EDIL3: variants seen among roughly 807,000 people sequenced by gnomAD.
EDIL3 encodes the protein EGF-like repeat and discoidin I-like domain-containing protein 3.
A neutral mutation model predicts 67.4 loss-of-function variants in EDIL3; 37 were observed. The ratio of observed to expected loss-of-function variants is 0.55; its 90% CI spans 0.42 to 0.72. The LOEUF (loss-of-function observed/expected upper bound fraction) is 0.72. EDIL3 is among the 30% of genes least tolerant of loss of function. The probability of loss-of-function intolerance (pLI) is 0.00; values close to 1 mark genes in which losing one functional copy is unlikely to be tolerated. For missense variants in EDIL3, 527 were observed against 586.3 expected, an observed-to-expected ratio of 0.90 and a Z score of 1.04; for synonymous variants, 195 against 196.3, an observed-to-expected ratio of 0.99 and a Z score of 0.05.
chr5:83,943,332 T>G lies in EDIL3; in HGVS notation c.*87A>C, dbSNP rs1744258127. ...TTTCATGAAAAAAAAAAAAAAACCA[T>G]TCAGTTTCCTACAGATTTTGCACAG... is the stretch of plus-strand genomic sequence containing the variant. On this transcript the variant is annotated 3_prime_UTR_variant, in exon 11 of 11. Transcript: ENST00000296591. 3 of 1,465,810 alleles carry G rather than the reference T, an allele frequency of 2.0e-6. No homozygotes were observed. The highest frequency in any genetic ancestry group is 2.1e-5 in the Admixed American group (1 of 48,286). 90.8% of individuals were successfully genotyped at this position (1,465,810 alleles called of 1,614,324 possible).
At chr5:84,021,683 C>T (rs371965117) in intron 9 of EDIL3, among the ~76,000 whole-genome samples, 1 of 151,850 alleles carries the variant, frequency 6.6e-6, no homozygotes, top group East Asian at 1.9e-4. Flanking sequence ...CAGTTGTTGG[C>T]TAAAATGTTC....
chr5:84,286,205 T>C (rs1745803442), intron 1 of EDIL3, among the ~76,000 whole-genome samples: 1 of 152,134 alleles, frequency 6.6e-6, no homozygotes, highest in African/African-American at 2.4e-5. Context: ...TTTTAAATGT[T>C]TTAATTTTGT....
Position 84,270,398 on chromosome 5 carries a change from G to T in EDIL3, c.68-16186C>A, listed in dbSNP as rs997760551. Among the ~76,000 whole-genome samples, 5 of 152,082 alleles carry T rather than the reference G, an allele frequency of 3.3e-5. No individual in the cohort carries two copies. In the South Asian group the frequency reaches 8.3e-4, roughly 25 times the overall value. On this transcript the variant is annotated intron_variant, in intron 1 of 10. Coordinates refer to ENST00000296591, the MANE Select transcript of EDIL3 (RefSeq NM_005711.5). ...TACATTGCAGATGTGAAATATTTAG[G>T]TTTATCATAGCTGTTTAACTCATAA...
chr5:83,942,202 T>G lies in EDIL3; in HGVS notation c.*1217A>C, dbSNP rs1744235310. On this transcript the variant is annotated 3_prime_UTR_variant, in exon 11 of 11. Coordinates refer to ENST00000296591, the MANE Select transcript of EDIL3 (RefSeq NM_005711.5). The stretch of plus-strand genomic sequence containing the variant: ...ATCAATAACAAATTGTTATGATAAT[T>G]GCTTATTTTTTCAGGACCTTTGAAG... The G allele has an allele frequency of 6.6e-6, 1 of 152,026 alleles. No individual in the cohort carries two copies. The highest frequency in any genetic ancestry group is 1.5e-5 in the Non-Finnish European group (1 of 67,938). The allele number at this position is 152,026 out of a possible 1,614,324, so 9.4% of individuals were successfully genotyped here.
At chr5:84,041,348 T>C (rs1406161576) in intron 9 of EDIL3, among the ~76,000 whole-genome samples, 1 of 151,808 alleles carries the variant, frequency 6.6e-6, no homozygotes, top group African/African-American at 2.4e-5. Context: ...AGCCAGCCCA[T>C]GCCACCAGCT....
At chr5:83,973,905 T>C (rs191236455) in intron 9 of EDIL3, among the ~76,000 whole-genome samples, 4 of 152,156 alleles carry the variant, frequency 2.6e-5, no homozygotes, top group African/African-American at 9.6e-5. Context: ...GAGTAAAGTA[T>C]ATTGTAATAG....
chr5:84,051,376 A>G (rs1475273393), intron 9 of EDIL3, among the ~76,000 whole-genome samples: 1 of 152,200 alleles, frequency 6.6e-6, no homozygotes, highest in Non-Finnish European at 1.5e-5. Flanking sequence ...GAATAGAAAA[A>G]TTGAAAATTC....
chr5:84,155,811 A>T (rs185615631), intron 4 of EDIL3, among the ~76,000 whole-genome samples: 126 of 152,268 alleles, frequency 8.3e-4, no homozygotes, highest in African/African-American at 2.9e-3. Context: ...CCTCTGTTCC[A>T]TGAATCATAC....
intron 3 of EDIL3, among the ~76,000 whole-genome samples, chr5:84,205,408 G>A (rs1743950290): frequency 6.6e-6 from 1 of 152,148 alleles, no homozygotes; most frequent in Non-Finnish European, 1.5e-5. Flanking sequence ...AGTCAGATGT[G>A]TCATTGTGAA....
intron 10 of EDIL3, among the ~76,000 whole-genome samples, chr5:83,961,885 A>T (rs1744612584): frequency 6.6e-6 from 1 of 151,398 alleles, no homozygotes; most frequent in Non-Finnish European, 1.5e-5. Context: ...ATGTTCATCT[A>T]CGAAAGAATA....
chr5:84,308,781 T>C (rs1746323255), intron 1 of EDIL3, among the ~76,000 whole-genome samples: 3 of 152,180 alleles, frequency 2.0e-5, no homozygotes, highest in South Asian at 4.1e-4. Context: ...AAAAGATCAA[T>C]TGGTCTGATA....
At chr5:84,074,997 T>C (rs1224595536) in intron 6 of EDIL3, among the ~76,000 whole-genome samples, 5 of 152,128 alleles carry the variant, frequency 3.3e-5, no homozygotes, top group South Asian at 2.1e-4. Flanking sequence ...GGCACATATA[T>C]ACCATGGAAT....
chr5:84,194,008 G>A (rs1435035591), intron 3 of EDIL3, among the ~76,000 whole-genome samples: 1 of 151,732 alleles, frequency 6.6e-6, no homozygotes, highest in Non-Finnish European at 1.5e-5. Context: ...CTTATATAGG[G>A]AACCACTTTC....
intron 1 of EDIL3, among the ~76,000 whole-genome samples, chr5:84,349,314 T>C (rs538906942): frequency 3.3e-5 from 5 of 152,284 alleles, no homozygotes; most frequent in Non-Finnish European, 1.5e-5. Flanking sequence ...CTGCTTGACC[T>C]GAAGCAGCTT....
At chr5:84,136,105 T>A (rs1186443234) in intron 5 of EDIL3, among the ~76,000 whole-genome samples, 1 of 152,174 alleles carries the variant, frequency 6.6e-6, no homozygotes, top group African/African-American at 2.4e-5. Context: ...GTGTCATGTA[T>A]ATTCATGTTT....
chr5:84,364,619 CACATT>C (rs1489645817), intron 1 of EDIL3, among the ~76,000 whole-genome samples: 5 of 152,168 alleles, frequency 3.3e-5, no homozygotes, highest in South Asian at 2.1e-4. Flanking sequence ...CCTAAATCTG[CACATT>C]ACAATTGTTC....
At chr5:84,371,425 ATG>A (rs1279647013) in intron 1 of EDIL3, among the ~76,000 whole-genome samples, 2 of 116,416 alleles carry the variant, frequency 1.7e-5, no homozygotes, top group African/African-American at 3.0e-5. Flanking sequence ...GTGTATATAT[ATG>A]TGTGTGTATA....
intron 10 of EDIL3, among the ~76,000 whole-genome samples, chr5:83,943,781 G>A (rs190532972): frequency 1.3e-5 from 2 of 151,792 alleles, no homozygotes; most frequent in African/African-American, 4.8e-5. Context: ...ATTGTTTAAT[G>A]CAGACATTCA....
chr5:84,190,309 T>A (rs1743553258), intron 3 of EDIL3, among the ~76,000 whole-genome samples: 1 of 151,894 alleles, frequency 6.6e-6, no homozygotes, highest in African/African-American at 2.4e-5. Flanking sequence ...CAGGGAGCTA[T>A]TTCCAAACAA....
Sources: gnomAD v4.1 joint callset for allele counts (sites outside exome capture counted in the v4.1 genomes callset) on GRCh38, gnomAD v4.1.1 for gene constraint, MANE v1.5 for transcripts, NCBI Gene and HGNC (gene_info 2026-07-23, HGNC 2026-07-21) for gene names.